The following ASTN2 variants were observed in gnomAD, a reference collection of about 807,000 sequenced individuals.
ASTN2 encodes astrotactin 2.
A neutral mutation model predicts 139.8 loss-of-function variants in ASTN2; 54 were observed. The observed-to-expected ratio is 0.39, with a 90% CI of 0.31 to 0.48. The LOEUF (loss-of-function observed/expected upper bound fraction) is 0.48. Ranked by LOEUF, ASTN2 falls within the 20% of genes least tolerant of loss-of-function variation. The probability of loss-of-function intolerance (pLI) is 0.95; values close to 1 mark genes in which losing one functional copy is unlikely to be tolerated. For synonymous variants in ASTN2, 756 were observed against 719.5 expected (o/e 1.05, Z -0.81); for missense variants, 1,565 against 1,725.1 (o/e 0.91, Z 1.64).
chr9:116,993,153 A>G (rs1199838906), intron 7 of ASTN2, among the ~76,000 whole-genome samples: 4 of 152,158 alleles, frequency 2.6e-5, no homozygotes, highest in Non-Finnish European at 5.9e-5. Flanking sequence ...TGTTTTTACA[A>G]TGTTCTGCAA....
intron 3 of ASTN2, among the ~76,000 whole-genome samples, chr9:117,171,694 C>T (rs1448569510): frequency 1.3e-5 from 2 of 152,048 alleles, no homozygotes; most frequent in Admixed American, 6.6e-5. Flanking sequence ...TCTTCTCTCT[C>T]CTACTGCCTT....
Position 116,855,379 on chromosome 9 carries a change from G to A in ASTN2, c.2040+8204C>T, listed in dbSNP as rs190287435. On this transcript the variant is annotated intron_variant, in intron 11 of 22. Transcript: ENST00000313400. ...TCCCAAACTTTGAGTCCTGTGTGCA[G>A]GCATTGAATCAGTGGACACAGTACA... 9.2e-5 allele frequency among the ~76,000 whole-genome samples: 14 copies of A among 151,760 alleles called. No individual in the cohort carries two copies. The East Asian group carries it at 2.7e-3, about 29-fold the overall frequency.
chr9:116,460,494 C>T (rs1053626525), intron 20 of ASTN2, among the ~76,000 whole-genome samples: 9 of 152,062 alleles, frequency 5.9e-5, no homozygotes, highest in Non-Finnish European at 5.9e-5. Flanking sequence ...TCTCCTTTAT[C>T]TTTAGCTTTT....
At chr9:116,526,264 T>G (rs1851084747) in intron 19 of ASTN2, among the ~76,000 whole-genome samples, 1 of 152,180 alleles carries the variant, frequency 6.6e-6, no homozygotes, top group African/African-American at 2.4e-5. Flanking sequence ...CCTCTTTCCT[T>G]GCCTGTAATA....
chr9:116,680,168 G>A (rs1357532448), intron 16 of ASTN2, among the ~76,000 whole-genome samples: 285 of 151,980 alleles, frequency 1.9e-3, no homozygotes, highest in African/African-American at 6.2e-3. Context: ...TCAAATAGAC[G>A]CAATAAAAAA....
At chr9:117,408,284 G>T (rs990685605) in intron 1 of ASTN2, among the ~76,000 whole-genome samples, 3 of 152,120 alleles carry the variant, frequency 2.0e-5, no homozygotes, top group Non-Finnish European at 4.4e-5. Flanking sequence ...GGCAGTGTGG[G>T]CTTCAAGACA....
intron 19 of ASTN2, among the ~76,000 whole-genome samples, chr9:116,523,209 T>A (rs1386476164): frequency 6.6e-5 from 10 of 152,134 alleles, no homozygotes; most frequent in Admixed American, 6.6e-4. Context: ...AGACCTTTTT[T>A]TTTTTTTAAC....
chr9:116,722,286 G>A (rs969521604), intron 16 of ASTN2, among the ~76,000 whole-genome samples: 2 of 140,946 alleles, frequency 1.4e-5, no homozygotes, highest in African/African-American at 5.0e-5. Context: ...AAAGCAGTTG[G>A]GAAATGTTCA....
chr9:117,232,401 C>G (rs1306708072), intron 2 of ASTN2, among the ~76,000 whole-genome samples: 1 of 152,158 alleles, frequency 6.6e-6, no homozygotes, highest in Non-Finnish European at 1.5e-5. Flanking sequence ...ATAACTCTTT[C>G]CCTTCATTGC....
intron 3 of ASTN2, among the ~76,000 whole-genome samples, chr9:117,150,629 C>T (rs766477805): frequency 4.6e-5 from 7 of 152,102 alleles, no homozygotes; most frequent in Non-Finnish European, 8.8e-5. Flanking sequence ...GCTTGCAATT[C>T]CAAATCTAAT....
At chr9:117,101,473 C>T (rs1005162496) in intron 4 of ASTN2, among the ~76,000 whole-genome samples, 1 of 152,150 alleles carries the variant, frequency 6.6e-6, no homozygotes, top group African/African-American at 2.4e-5. Context: ...TCTGCTGGAA[C>T]CAGCAGCCTT....
At position 116,699,195 on chromosome 9, in the gene ASTN2, G is replaced by A. The variant is rs1390075905; in HGVS notation, c.2806+26576C>T. On this transcript the variant is annotated intron_variant, in intron 16 of 22. Coordinates refer to ENST00000313400, the MANE Select transcript of ASTN2 (RefSeq NM_001365068.1). The surrounding 1 kb of genome is among the most constrained non-coding windows in gnomAD (Gnocchi z 4.2). Reference sequence around the variant, plus strand: ...AGCCTTGCCATCTGGCCAGTTTGTAGTAACCGATGTGGAAGGTGGAAAGCT... The same window carrying A: ...AGCCTTGCCATCTGGCCAGTTTGTAATAACCGATGTGGAAGGTGGAAAGCT... 1 of 1,614,260 alleles carries A rather than the reference G, an allele frequency of 6.2e-7. No homozygotes were observed. Among genetic ancestry groups the A allele is most frequent in the African/African-American group, 1.3e-5 (1 of 75,072 alleles).
chr9:116,733,541 G>C lies in ASTN2; in HGVS notation c.2397-18C>G, dbSNP rs1390872106. Reference sequence around the variant, plus strand: ...TGTTCTCCCTGTGGAGAGGAGCAGAGAGACTGCCAAATCGAGGAAGTGGAG... The same window carrying C: ...TGTTCTCCCTGTGGAGAGGAGCAGACAGACTGCCAAATCGAGGAAGTGGAG... On this transcript the variant is annotated intron_variant, in intron 13 of 22. Coordinates refer to ENST00000313400, the MANE Select transcript of ASTN2 (RefSeq NM_001365068.1). The C allele has an allele frequency of 6.2e-7, 1 of 1,614,056 alleles. No homozygotes were observed. The highest frequency in any genetic ancestry group is 1.7e-5 in the Admixed American group (1 of 60,030).
intron 2 of ASTN2, among the ~76,000 whole-genome samples, chr9:117,263,671 AG>A (rs1229972025): frequency 6.6e-6 from 1 of 152,198 alleles, no homozygotes; most frequent in Admixed American, 6.5e-5. Context: ...TCACTTCTCC[AG>A]GTTAAATCCT....
At chr9:117,277,730 T>A (rs571095773) in intron 2 of ASTN2, among the ~76,000 whole-genome samples, 1 of 152,336 alleles carries the variant, frequency 6.6e-6, no homozygotes, top group East Asian at 1.9e-4. Flanking sequence ...ATTATGTTGC[T>A]TATGTAGGAT....
intron 3 of ASTN2, among the ~76,000 whole-genome samples, chr9:117,159,833 G>A (rs1477436280): frequency 6.6e-6 from 1 of 152,004 alleles, no homozygotes; most frequent in African/African-American, 2.4e-5. Flanking sequence ...GCTAGTTATT[G>A]CTATTAAGAA....
chr9:117,134,295 TACACACACACACACACACACACAC>T (rs3041140), intron 4 of ASTN2, among the ~76,000 whole-genome samples: 1 of 75,808 alleles, frequency 1.3e-5, no homozygotes, highest in Non-Finnish European at 2.6e-5. Flanking sequence ...TATATATATA[TACACACACACACACACACACACAC>T]ACACACACAC....
chr9:116,458,647 G>C (rs912583721), intron 20 of ASTN2, among the ~76,000 whole-genome samples: 2 of 151,774 alleles, frequency 1.3e-5, no homozygotes, highest in Non-Finnish European at 2.9e-5. Flanking sequence ...CCTTTGTGCA[G>C]TATTAAAAAC....
chr9:116,540,956 TTTCCCCTAGTTTTGAAAC>T (rs992204583), intron 19 of ASTN2, among the ~76,000 whole-genome samples: 3 of 151,866 alleles, frequency 2.0e-5, no homozygotes. Context: ...TACAAAAGTT[TTTCCCCTAGTTTTGAAAC>T]TAGGGGAAAA....
Sources: allele counts gnomAD v4.1 joint callset (sites outside exome capture counted in the v4.1 genomes callset), GRCh38; gene constraint gnomAD v4.1.1; non-coding constraint Gnocchi (gnomAD v3.1); transcripts MANE v1.5; gene names NCBI Gene and HGNC (gene_info 2026-07-23, HGNC 2026-07-21).